CAPSL: variants seen among roughly 807,000 people sequenced by gnomAD.
CAPSL encodes calcyphosin-like protein.
CAPSL carries 17 observed loss-of-function variants against 21.3 expected under a neutral mutation model. That is an observed-to-expected ratio of 0.80 (90% CI 0.55 to 1.20). The LOEUF (loss-of-function observed/expected upper bound fraction) is 1.20, where lower values mean the gene tolerates loss of function less well. CAPSL is among the 50% of genes most tolerant of loss of function. The probability of loss-of-function intolerance (pLI) is 0.00; values close to 1 mark genes in which losing one functional copy is unlikely to be tolerated. For missense variants in CAPSL, 289 were observed against 259.3 expected (o/e 1.11, Z -0.79); for synonymous variants, 102 against 89.3 (o/e 1.14, Z -0.80).
intron 1 of CAPSL, among the ~76,000 whole-genome samples, chr5:35,935,577 C>T (rs1482034281): frequency 6.6e-6 from 1 of 152,122 alleles, no homozygotes; most frequent in Non-Finnish European, 1.5e-5. Flanking sequence ...TCAAGCAATC[C>T]TCCCACCTTG....
chr5:35,909,327 G>A (rs1350547832), intron 4 of CAPSL, among the ~76,000 whole-genome samples: 4 of 152,160 alleles, frequency 2.6e-5, no homozygotes, highest in Non-Finnish European at 5.9e-5. Context: ...AGTAAATTCT[G>A]TTATTTGACA....
At chr5:35,931,425 A>C (rs1738820169) in intron 1 of CAPSL, among the ~76,000 whole-genome samples, 1 of 124,196 alleles carries the variant, frequency 8.1e-6, no homozygotes, top group South Asian at 3.2e-4. Flanking sequence ...CATGTAACTG[A>C]CACAATGTGT....
chr5:35,919,170 A>AAAATATATATATATATAT (rs754098152), intron 2 of CAPSL, among the ~76,000 whole-genome samples: 3 of 121,274 alleles, frequency 2.5e-5, no homozygotes, highest in South Asian at 2.6e-4. Flanking sequence ...TAAAAAAAAA[A>AAAATATATATATATATAT]ATATATATAT....
chr5:35,919,618 C>T (rs1280023235), intron 2 of CAPSL, among the ~76,000 whole-genome samples: 3 of 151,988 alleles, frequency 2.0e-5, no homozygotes, highest in African/African-American at 7.3e-5. Flanking sequence ...AATAAATGAA[C>T]AAAGGGGTGT....
rs184492472 is a variant in CAPSL, at chr5:35,911,931, C to T, written c.138-1388G>A. On this transcript the variant is annotated intron_variant, in intron 2 of 4. Transcript: ENST00000651391. ...GCAAGGCATCGCCTCACCCAGGAAG[C>T]GCAAGGGGTCAGGGAATTCCCTTTC... 2.9e-3 allele frequency among the ~76,000 whole-genome samples: 449 copies of T among 152,244 alleles called. 4 individuals are homozygous for T. The highest frequency in any genetic ancestry group is 0.01 in the African/African-American group (433 of 41,564).
chr5:35,910,345 C>T (rs1331089431), intron 3 of CAPSL, 21 bp downstream of exon 3: 2 of 1,607,868 alleles, frequency 1.2e-6, no homozygotes, highest in Admixed American at 1.7e-5. Flanking sequence ...AGCAGATACA[C>T]TGATTAATGG....
chr5:35,904,428 A>T lies in CAPSL; in HGVS notation c.*117T>A. Reference sequence around the variant, plus strand: ...TGGCCCCAGAAAATGCAATATTTTGACACAGAAAAAAACATTAGGATGAGT... The same window carrying T: ...TGGCCCCAGAAAATGCAATATTTTGTCACAGAAAAAAACATTAGGATGAGT... On this transcript the variant is annotated 3_prime_UTR_variant, in exon 5 of 5. Transcript: ENST00000651391. 1.3e-6 allele frequency: 1 copy of T among 779,986 alleles called. No homozygotes were observed. The highest frequency in any genetic ancestry group is 2.1e-6 in the Non-Finnish European group (1 of 478,312). The allele number at this position is 779,986 out of a possible 1,614,324, so 48.3% of individuals were successfully genotyped here.
At chr5:35,911,682 C>A (rs1039075257) in intron 2 of CAPSL, among the ~76,000 whole-genome samples, 1 of 152,070 alleles carries the variant, frequency 6.6e-6, no homozygotes, top group South Asian at 2.1e-4. Flanking sequence ...AAATTATGGG[C>A]CTTAGTTAAT....
intron 1 of CAPSL, among the ~76,000 whole-genome samples, chr5:35,927,765 A>T (rs950908106): frequency 1.3e-5 from 2 of 152,238 alleles, no homozygotes; most frequent in Non-Finnish European, 1.5e-5. Flanking sequence ...GATATACAAC[A>T]GACCATGTCT....
intron 4 of CAPSL, 134 bp from the exon 5 acceptor site, chr5:35,904,780 T>A: frequency 1.5e-6 from 2 of 1,336,240 alleles, no homozygotes; most frequent in Non-Finnish European, 2.0e-6. Context: ...GAGGAACTGA[T>A]CTAAAACAAA....
chr5:35,932,481 T>C (rs1738847152), intron 1 of CAPSL, among the ~76,000 whole-genome samples: 1 of 152,206 alleles, frequency 6.6e-6, no homozygotes, highest in African/African-American at 2.4e-5. Context: ...CTTTCTGAAG[T>C]GGTTCCCAGA....
chr5:35,915,132 C>T (rs1738339389), intron 2 of CAPSL, among the ~76,000 whole-genome samples: 1 of 152,156 alleles, frequency 6.6e-6, no homozygotes, highest in Non-Finnish European at 1.5e-5. Flanking sequence ...AATTCCTCAA[C>T]ACACACACCC....
chr5:35,909,416 C>T lies in CAPSL; in HGVS notation c.525+450G>A, dbSNP rs543389452. Among the ~76,000 whole-genome samples the T allele has an allele frequency of 6.8e-4, 103 of 152,188 alleles. 1 individual carries two copies. The highest frequency in any genetic ancestry group is 3.4e-3 in the Middle Eastern group (1 of 294). On this transcript the variant is annotated intron_variant, in intron 4 of 4. Transcript: ENST00000651391. ...AGATGAATGAGGATGAGTGTGAAGG[C>T]ACTAAAACATCCTGAAAGGCCTTGT... is the stretch of plus-strand genomic sequence containing the variant.
intron 4 of CAPSL, 38 bp downstream of exon 4, chr5:35,909,828 T>G (rs769039195): frequency 4.6e-6 from 7 of 1,534,482 alleles, no homozygotes; most frequent in Non-Finnish European, 6.2e-6. Flanking sequence ...CAATTTCGAA[T>G]TGAAGAAATT....
intron 1 of CAPSL, among the ~76,000 whole-genome samples, chr5:35,925,558 A>G (rs115508026): frequency 0.019 from 2,901 of 152,086 alleles, 38 homozygotes; most frequent in Admixed American, 0.024. Context: ...ATTGTGGGTA[A>G]AGATGAAACT....
At chr5:35,920,319 T>A (rs1738504182) in intron 2 of CAPSL, among the ~76,000 whole-genome samples, 1 of 152,200 alleles carries the variant, frequency 6.6e-6, no homozygotes, top group Admixed American at 6.5e-5. Flanking sequence ...GAAGCCTTGT[T>A]CACCCACGGG....
chr5:35,931,809 G>A (rs893762678), intron 1 of CAPSL, among the ~76,000 whole-genome samples: 1 of 152,218 alleles, frequency 6.6e-6, no homozygotes, highest in Non-Finnish European at 1.5e-5. Context: ...CAGTGTTTAT[G>A]TGCTTAAGAC....
At chr5:35,921,487 T>C (rs1243850864) in intron 1 of CAPSL, among the ~76,000 whole-genome samples, 2 of 152,228 alleles carry the variant, frequency 1.3e-5, no homozygotes, top group Admixed American at 1.3e-4. Flanking sequence ...CATATTCCCT[T>C]GACCCTCACA....
intron 4 of CAPSL, among the ~76,000 whole-genome samples, chr5:35,908,656 G>T (rs368591075): frequency 5.3e-5 from 8 of 152,164 alleles, no homozygotes; most frequent in African/African-American, 1.9e-4. Flanking sequence ...AGCAATACTG[G>T]AAGAAAACAT....
Sources: allele counts gnomAD v4.1 joint callset (sites outside exome capture counted in the v4.1 genomes callset), GRCh38; gene constraint gnomAD v4.1.1; transcripts MANE v1.5; gene names NCBI Gene and HGNC (gene_info 2026-07-23, HGNC 2026-07-21).